PDE2A: variants seen among roughly 807,000 people sequenced by gnomAD.
PDE2A encodes cGMP-dependent 3',5'-cyclic phosphodiesterase.
PDE2A carries 53 observed loss-of-function variants against 133.6 expected under a neutral mutation model. The ratio of observed to expected loss-of-function variants is 0.40; its 90% CI spans 0.32 to 0.50. PDE2A has a LOEUF of 0.50. PDE2A is among the 20% of genes least tolerant of loss of function. The pLI is 0.73. For synonymous variants in PDE2A, 491 were observed against 490.2 expected (o/e 1.00, Z -0.02); for missense variants, 796 against 1,232.4 (o/e 0.65, Z 5.30).
chr11:72,664,643 G>C (rs1855180927), intron 1 of PDE2A, among the ~76,000 whole-genome samples: 1 of 151,824 alleles, frequency 6.6e-6, no homozygotes, highest in Non-Finnish European at 1.5e-5. Context: ...AAAGTACTGG[G>C]ATTACAGGTG....
chr11:72,651,200 A>G (rs1449346154), intron 1 of PDE2A, among the ~76,000 whole-genome samples: 1 of 152,194 alleles, frequency 6.6e-6, no homozygotes, highest in East Asian at 1.9e-4. Flanking sequence ...AGAATGTAGA[A>G]GCCCAAGATT....
intron 2 of PDE2A, among the ~76,000 whole-genome samples, chr11:72,625,089 G>A (rs1248595091): frequency 6.6e-6 from 1 of 152,160 alleles, no homozygotes; most frequent in East Asian, 1.9e-4. Context: ...TTCCTTCAAG[G>A]ATTTCCTGTT....
At chr11:72,637,792 G>A (rs1858766871) in intron 2 of PDE2A, among the ~76,000 whole-genome samples, 1 of 152,256 alleles carries the variant, frequency 6.6e-6, no homozygotes, top group Admixed American at 6.5e-5. Flanking sequence ...ATGGGACAAG[G>A]AAGAAGGTAG....
intron 1 of PDE2A, among the ~76,000 whole-genome samples, chr11:72,671,036 C>T (rs1855373228): frequency 6.6e-6 from 1 of 152,168 alleles, no homozygotes; most frequent in African/African-American, 2.4e-5. Flanking sequence ...GCCTTTCCTA[C>T]CCACCTTCAC....
At chr11:72,585,048 T>G (rs1302371666) in intron 16 of PDE2A, 104 bp from the exon 17 acceptor site, 3 of 1,099,978 alleles carry the variant, frequency 2.7e-6, no homozygotes, top group Non-Finnish European at 2.8e-6. Context: ...CTGGGAGGAG[T>G]GCTCCAAGGT....
intron 21 of PDE2A, 175 bp from the exon 22 acceptor site, chr11:72,582,122 T>A: frequency 6.4e-6 from 4 of 627,418 alleles, no homozygotes; most frequent in South Asian, 2.0e-5. Context: ...TTTTTAGAGA[T>A]CTAAGAACTA....
intron 30 of PDE2A, among the ~76,000 whole-genome samples, chr11:72,577,901 G>C (rs544293118): frequency 2.0e-5 from 3 of 152,344 alleles, no homozygotes; most frequent in South Asian, 4.1e-4. Flanking sequence ...GAACCCAGGA[G>C]GGGGAGGTTG....
intron 23 of PDE2A, 140 bp downstream of exon 23, chr11:72,581,217 G>C: frequency 1.1e-6 from 1 of 878,626 alleles, no homozygotes; most frequent in East Asian, 2.6e-5. Context: ...GGGGCTCACA[G>C]CCTTCCCCTC....
intron 2 of PDE2A, among the ~76,000 whole-genome samples, chr11:72,623,876 C>T (rs938475861): frequency 6.6e-6 from 1 of 152,178 alleles, no homozygotes; most frequent in African/African-American, 2.4e-5. Context: ...TGGGCAGCTG[C>T]AGGAGCCTCC....
At chr11:72,628,651 C>A (rs1382505187) in intron 2 of PDE2A, among the ~76,000 whole-genome samples, 1 of 152,220 alleles carries the variant, frequency 6.6e-6, no homozygotes, top group Non-Finnish European at 1.5e-5. Flanking sequence ...CTTATCCCGC[C>A]TGGCAGGTGA....
chr11:72,662,802 C>A (rs567260719), intron 1 of PDE2A, among the ~76,000 whole-genome samples: 33 of 152,284 alleles, frequency 2.2e-4, no homozygotes, highest in African/African-American at 7.9e-4. Context: ...TCTAGCCCCC[C>A]TACTTCACCC....
At chr11:72,643,397 G>A (rs1859040396) in intron 1 of PDE2A, 1 of 152,340 alleles carries the variant, frequency 6.6e-6, no homozygotes, top group East Asian at 1.9e-4. Context: ...GTCTCGCTAG[G>A]CCTTTGCCAG....
intron 1 of PDE2A, among the ~76,000 whole-genome samples, chr11:72,646,015 T>C (rs149607351): frequency 6.2e-4 from 95 of 152,300 alleles, no homozygotes; most frequent in African/African-American, 2.2e-3. Context: ...GGAAATCAGA[T>C]TTCCCAGCTC....
In PDE2A at chr11:72,616,264, CTGT is replaced by C. The variant is rs546104065; in HGVS notation, c.145-7516_145-7514del. 2.4e-3 allele frequency among the ~76,000 whole-genome samples: 373 copies of C among 152,310 alleles called. 2 individuals are homozygous for C. The highest frequency in any genetic ancestry group is 8.5e-3 in the African/African-American group (352 of 41,562). On this transcript the variant is annotated intron_variant, in intron 2 of 30. Coordinates refer to ENST00000334456, the MANE Select transcript of PDE2A (RefSeq NM_002599.5). ...TCTCTGGATCCCCTCCAGGGAGAGTCTGTTGTTGTTCTCTCTCCAGGCAAGTCT... is the reference window on the plus strand; with the variant it reads ...TCTCTGGATCCCCTCCAGGGAGAGTCTGTTGTTCTCTCTCCAGGCAAGTCT...
rs1168439042 is a variant in PDE2A, at chr11:72,583,649, C to A, written c.1651-134G>T. 8.7e-5 allele frequency: 59 copies of A among 680,016 alleles called. No homozygotes were observed. In the East Asian group the frequency reaches 1.5e-3, roughly 17 times the overall value. 42.1% of individuals were successfully genotyped at this position (680,016 alleles called of 1,614,324 possible). ...TCTGGCCCCAGTCAAAACCTTCAAG[C>A]TCCAGTCCACAGTAAAGACCCCACC... On this transcript the variant is annotated intron_variant, in intron 19 of 30. Transcript: ENST00000334456.
At chr11:72,621,127 G>A (rs1387613862) in intron 2 of PDE2A, among the ~76,000 whole-genome samples, 3 of 152,128 alleles carry the variant, frequency 2.0e-5, no homozygotes, top group Non-Finnish European at 4.4e-5. Flanking sequence ...CCTGCTGAAT[G>A]TCAGAGCCTA....
intron 4 of PDE2A, among the ~76,000 whole-genome samples, chr11:72,598,173 A>AT (rs1856573729): frequency 6.6e-6 from 1 of 152,220 alleles, no homozygotes; most frequent in Non-Finnish European, 1.5e-5. Flanking sequence ...TATGAATTAG[A>AT]TATCTTCATT....
Position 72,674,408 on chromosome 11 carries a change from T to A in PDE2A, c.-201A>T. ...CCTCTCCCGCTGCCACTGCCTCTGC[T>A]GCTCGGCTGGCTCTGGGAGGAGGTT... is the stretch of plus-strand genomic sequence containing the variant. On this transcript the variant is annotated 5_prime_UTR_variant, in exon 1 of 31. Coordinates refer to ENST00000334456, the MANE Select transcript of PDE2A (RefSeq NM_002599.5). The A allele has an allele frequency of 5.2e-6, 3 of 573,436 alleles. No homozygotes were observed. The highest frequency in any genetic ancestry group is 4.6e-4 in the Middle Eastern group (1 of 2,190). The allele number at this position is 573,436 out of a possible 1,614,324, so 35.5% of individuals were successfully genotyped here.
Position 72,577,329 on chromosome 11 carries a change from G to T in PDE2A, c.*55C>A. 2.1e-6 allele frequency: 3 copies of T among 1,406,984 alleles called. No homozygotes were observed. The highest frequency in any genetic ancestry group is 3.0e-6 in the Non-Finnish European group (3 of 1,007,450). The allele number at this position is 1,406,984 out of a possible 1,614,324, so 87.2% of individuals were successfully genotyped here. On this transcript the variant is annotated 3_prime_UTR_variant, in exon 31 of 31. Transcript: ENST00000334456. ...GCTCTGTTCCCAGTGCATCTGGCCA[G>T]ACCAGTGGAGGGCTGTGGGAGGTGG...
Sources: gnomAD v4.1 joint callset for allele counts (sites outside exome capture counted in the v4.1 genomes callset) on GRCh38, gnomAD v4.1.1 for gene constraint, MANE v1.5 for transcripts, NCBI Gene and HGNC (gene_info 2026-07-23, HGNC 2026-07-21) for gene names.